Variants in FMR1 observed in about 807,000 individuals in gnomAD.
FMR1 encodes the protein fragile X messenger ribonucleoprotein 1.
A neutral mutation model predicts 50.6 loss-of-function variants in FMR1; 13 were observed. That is an observed-to-expected ratio of 0.26 (90% CI 0.17 to 0.41). The LOEUF is 0.41. Ranked by LOEUF, FMR1 falls within the 10% of genes least tolerant of loss-of-function variation. The pLI is 1.00. For missense variants in FMR1, 316 were observed against 491.3 expected (o/e 0.64, Z 3.37); for synonymous variants, 138 against 164.1 (o/e 0.84, Z 1.22).
chrX:147,914,253 TTTAA>T (rs1220172582), intron 1 of FMR1: 1 of 112,526 alleles, frequency 8.9e-6, no homozygotes, highest in Non-Finnish European at 1.9e-5. Context: ...GTTATGTTTA[TTTAA>T]TTAAGTTTGA....
intron 16 of FMR1, among the ~76,000 whole-genome samples, chrX:147,946,237 G>T (rs1295285183): frequency 8.9e-6 from 1 of 112,199 alleles, no homozygotes; most frequent in East Asian, 2.8e-4. Flanking sequence ...AACATCCTGG[G>T]ATGTACTTAG....
At chrX:147,948,135 G>A (rs1435584321) in intron 16 of FMR1, among the ~76,000 whole-genome samples, 3 of 112,030 alleles carry the variant, frequency 2.7e-5, no homozygotes, top group African/African-American at 6.5e-5. Context: ...ACCAAAGCTC[G>A]TGTTTTTCTA....
rs200572157 is a variant in FMR1 at position 147,929,937 on chromosome X, T to A, written c.420-11T>A. Reference sequence around the variant, plus strand: ...AATTATTCATCTTAATTTTTTTTTTTAAATTTCTAGGTGTGCCAAAGAGGC... The same window carrying A: ...AATTATTCATCTTAATTTTTTTTTTAAAATTTCTAGGTGTGCCAAAGAGGC... On this transcript the variant is annotated splice_polypyrimidine_tract_variant and intron_variant, in intron 5 of 16. Transcript: ENST00000370475. The A allele has an allele frequency of 3.2e-4, 363 of 1,147,849 alleles. 2 individuals carry two copies. The South Asian group carries it at 5.6e-3, about 18-fold the overall frequency. 94.6% of individuals were successfully genotyped at this position (1,147,849 alleles called of 1,213,427 possible).
intron 13 of FMR1, among the ~76,000 whole-genome samples, chrX:147,941,482 A>G (rs1229706712): frequency 9.8e-5 from 11 of 112,631 alleles, no homozygotes; most frequent in Admixed American, 6.6e-4. Context: ...AACTCTATTT[A>G]TGGCATTAAG....
intron 9 of FMR1, chrX:147,933,452 A>G (rs1482008593): frequency 4.0e-6 from 4 of 994,699 alleles, no homozygotes; most frequent in Non-Finnish European, 5.2e-6. Flanking sequence ...CCAAAGCTAG[A>G]AGAAACTTCA....
At chrX:147,946,437 C>T (rs1249578053) in intron 16 of FMR1, among the ~76,000 whole-genome samples, 2 of 112,275 alleles carry the variant, frequency 1.8e-5, no homozygotes, top group Non-Finnish European at 3.8e-5. Flanking sequence ...GGACCTAGTC[C>T]GAGGATCTCT....
Position 147,938,149 on chromosome X carries a change from C to G in FMR1, c.1176C>G (p.Leu392=). 1 of 1,197,785 alleles carries G rather than the reference C, an allele frequency of 8.3e-7. No homozygotes were observed. Among genetic ancestry groups the G allele is most frequent in the East Asian group, 3.0e-5 (1 of 33,783 alleles). Residue 392 remains leucine, a synonymous_variant, in exon 12 of 17, where the codon CTC becomes CTG. Coordinates refer to ENST00000370475, the MANE Select transcript of FMR1 (RefSeq NM_002024.6). ...VVAGESQKPE[L]KAWQGMVPFV... ...CAGGGGAATCCCAGAAACCTGAACTCAAGGCTTGGCAGGTAGGAAAACATT... is the reference window on the plus strand; with the variant it reads ...CAGGGGAATCCCAGAAACCTGAACTGAAGGCTTGGCAGGTAGGAAAACATT...
chrX:147,927,679 T>G (rs2043438090), intron 3 of FMR1: 1 of 111,758 alleles, frequency 8.9e-6, no homozygotes, highest in African/African-American at 3.3e-5. Flanking sequence ...AACTTTGAAG[T>G]GGTCATCAAA....
chrX:147,945,124 G>A, intron 15 of FMR1, 73 bp downstream of exon 15: 3 of 1,157,245 alleles, frequency 2.6e-6, no homozygotes, highest in Non-Finnish European at 3.5e-6. Context: ...AAATCCTATT[G>A]ATGCAATGAA....
chrX:147,922,964 C>A (rs1294868435), intron 2 of FMR1, among the ~76,000 whole-genome samples: 1 of 111,394 alleles, frequency 9.0e-6, no homozygotes, highest in Admixed American at 9.5e-5. Flanking sequence ...TTGAATTGTA[C>A]ATTTAAATTG....
chrX:147,921,474 T>C (rs4824257), intron 1 of FMR1, among the ~76,000 whole-genome samples: 1 of 109,753 alleles, frequency 9.1e-6, no homozygotes, highest in Non-Finnish European at 1.9e-5. Flanking sequence ...TATATATATA[T>C]ATAGATAGAT....
chrX:147,930,271 G>GT (rs1569545680), intron 7 of FMR1, 27 bp downstream of exon 7: 1 of 899,380 alleles, frequency 1.1e-6, no homozygotes, highest in East Asian at 3.1e-5. Context: ...AGCACTGCTT[G>GT]TAAGGGTACC....
rs2044269344 is a variant in FMR1 at position 147,949,369 on chromosome X, A to C, written c.*525A>C. The C allele has an allele frequency of 3.1e-6, 1 of 327,412 alleles. No individual in the cohort carries two copies. Among genetic ancestry groups the C allele is most frequent in the Non-Finnish European group, 5.9e-6 (1 of 169,681 alleles). The allele number at this position is 327,412 out of a possible 1,213,427, so 27.0% of individuals were successfully genotyped here. A position where few individuals can be genotyped will look rare whatever the true frequency, so the allele number is the denominator to read the frequency against. ...TGTGACATTTGTCATTTTCATTAGC[A>C]AAAAAAGTTGTATGATCTGTGCCTT... On this transcript the variant is annotated 3_prime_UTR_variant, in exon 17 of 17. Transcript: ENST00000370475.
intron 5 of FMR1, among the ~76,000 whole-genome samples, chrX:147,929,542 G>T (rs2043514913): frequency 1.9e-5 from 2 of 106,708 alleles, no homozygotes; most frequent in African/African-American, 6.9e-5. Context: ...CATCTCATAT[G>T]CCCCATAAAT....
At chrX:147,935,233 C>T (rs1230021995) in intron 9 of FMR1, among the ~76,000 whole-genome samples, 1 of 111,747 alleles carries the variant, frequency 8.9e-6, no homozygotes. Context: ...GGACCTAGAC[C>T]AAGAATCCTG....
chrX:147,916,909 TGCATTTTTA>T (rs2042898930), intron 1 of FMR1, among the ~76,000 whole-genome samples: 1 of 111,700 alleles, frequency 9.0e-6, no homozygotes, highest in African/African-American at 3.3e-5. Context: ...GGCTATTTTT[TGCATTTTTA>T]GTAGAGATGA....
Position 147,937,348 on chromosome X carries a change from A to T in FMR1, c.991-118A>T, listed in dbSNP as rs782630349. 54 of 504,977 alleles carry T rather than the reference A, an allele frequency of 1.1e-4. No homozygotes were observed. In the South Asian group the frequency reaches 1.6e-3, roughly 15 times the overall value. 41.6% of individuals were successfully genotyped at this position (504,977 alleles called of 1,213,427 possible). A position where few individuals can be genotyped will look rare whatever the true frequency, so the allele number is the denominator to read the frequency against. On this transcript the variant is annotated intron_variant, in intron 10 of 16. Coordinates refer to ENST00000370475, the MANE Select transcript of FMR1 (RefSeq NM_002024.6). ...TGTATTCGGTAATTTTATAAACCAA[A>T]ACTGTTTATAATAACTTACATTTTT...
At chrX:147,933,838 A>G (rs1273632158) in intron 9 of FMR1, among the ~76,000 whole-genome samples, 3 of 112,589 alleles carry the variant, frequency 2.7e-5, no homozygotes, top group African/African-American at 9.7e-5. Flanking sequence ...TTTTGTCAGC[A>G]TAGACTCATA....
chrX:147,912,049 CGCGGCGGCG>C lies in FMR1; in HGVS notation c.-108_-100del, dbSNP rs193922936. The C allele has an allele frequency of 8.2e-4, 34 of 41,497 alleles. 1 individual carries two copies. The highest frequency in any genetic ancestry group is 1.9e-3 in the South Asian group (1 of 523). 3.4% of individuals were successfully genotyped at this position (41,497 alleles called of 1,213,427 possible). On this transcript the variant is annotated 5_prime_UTR_variant, in exon 1 of 17. Transcript: ENST00000370475. ...GCCGCTGCCAGGGGGCGTGCGGCAG[CGCGGCGGCG>C]GCGGCGGCGGCGGCGGCGGCGGAGG...
Sources: allele counts gnomAD v4.1 joint callset (sites outside exome capture counted in the v4.1 genomes callset), GRCh38; gene constraint gnomAD v4.1.1; transcripts MANE v1.5; gene names NCBI Gene and HGNC (gene_info 2026-07-23, HGNC 2026-07-21).